The following RWDD3 variants were observed in gnomAD, a reference collection of about 807,000 sequenced individuals.
RWDD3 encodes the protein RWD domain-containing protein 3.
In RWDD3, 30 loss-of-function variants were observed where a neutral mutation model predicts 26.5. The ratio of observed to expected loss-of-function variants is 1.13; its 90% CI spans 0.85 to 1.54. RWDD3 has a LOEUF of 1.54. Ranked by LOEUF, RWDD3 falls within the 40% of genes most tolerant of loss-of-function variation. RWDD3 has a pLI of 0.00. For synonymous variants in RWDD3, 113 were observed against 114.5 expected, an observed-to-expected ratio of 0.99 and a Z score of 0.09; for missense variants, 296 against 309.1, an observed-to-expected ratio of 0.96 and a Z score of 0.32.
At chr1:95,237,292 C>CA (rs1490517409) in intron 1 of RWDD3, 3 of 152,132 alleles carry the variant, frequency 2.0e-5, no homozygotes, top group African/African-American at 7.2e-5. Context: ...GGAGGATACA[C>CA]ACTTGATACC....
intron 1 of RWDD3, chr1:95,239,831 C>T: frequency 7.8e-7 from 1 of 1,289,618 alleles, no homozygotes; most frequent in Non-Finnish European, 1.0e-6. Context: ...ACATGGCTGG[C>T]TCAGTAGCTT....
chr1:95,242,732 A>G (rs983376040), intron 1 of RWDD3, among the ~76,000 whole-genome samples: 1 of 152,168 alleles, frequency 6.6e-6, no homozygotes, highest in East Asian at 1.9e-4. Flanking sequence ...CAGCCTGGCT[A>G]ACATGGAGAA....
intron 1 of RWDD3, chr1:95,237,546 T>C (rs1318720718): frequency 6.6e-6 from 1 of 152,250 alleles, no homozygotes; most frequent in Non-Finnish European, 1.5e-5. Context: ...ATCTGCCTTT[T>C]GATCTCTTTA....
chr1:95,240,651 G>A (rs141020406), intron 1 of RWDD3, among the ~76,000 whole-genome samples: 30 of 152,182 alleles, frequency 2.0e-4, no homozygotes, highest in South Asian at 2.1e-4. Flanking sequence ...GGCCCTAGGC[G>A]TTGCATGGAG....
rs375837582 is a variant in RWDD3, at chr1:95,242,721, C to A, written c.86-1490C>A. Among the ~76,000 whole-genome samples the A allele has an allele frequency of 1.2e-4, 18 of 152,158 alleles. 1 individual carries two copies. The South Asian group carries it at 3.7e-3, about 32-fold the overall frequency. On this transcript the variant is annotated intron_variant, in intron 1 of 3. Transcript: ENST00000370202. Reference sequence around the variant, plus strand: ...TTCACCCGAGGTCAGGAGTTTGAGACCAGCCTGGCTAACATGGAGAAACCC... The same window carrying A: ...TTCACCCGAGGTCAGGAGTTTGAGAACAGCCTGGCTAACATGGAGAAACCC...
rs781113010 is a variant in RWDD3 at position 95,244,593 on chromosome 1, C to A, written c.468C>A (p.Val156=). The A allele has an allele frequency of 3.1e-6, 5 of 1,613,994 alleles. No homozygotes were observed. In the African/African-American group the frequency reaches 6.7e-5, roughly 22 times the overall value. The stretch of plus-strand genomic sequence containing the variant: ...ACATGAGAGCAAAGACTAAATATGT[C>A]AAAATTGTGGAGAAGTGGGCTTCAG... The part of the protein sequence containing the change: ...LDHMRAKTKY[V]KIVEKWASDL... Residue 156 remains valine (V), a synonymous_variant, in exon 2 of 4, where the codon GTC becomes GTA. Transcript: ENST00000370202.
At chr1:95,245,988 T>C (rs1680838395) in intron 2 of RWDD3, 1 of 152,142 alleles carries the variant, frequency 6.6e-6, no homozygotes, top group African/African-American at 2.4e-5. Flanking sequence ...ATTTCTCTTA[T>C]ATTTTTATAA....
chr1:95,239,591 C>T (rs921426508), intron 1 of RWDD3, among the ~76,000 whole-genome samples: 1 of 152,250 alleles, frequency 6.6e-6, no homozygotes, highest in East Asian at 1.9e-4. Flanking sequence ...TCTTATTTTG[C>T]AGCTACAGTG....
intron 2 of RWDD3, chr1:95,245,999 GA>G (rs1383717947): frequency 2.6e-5 from 4 of 152,062 alleles, no homozygotes; most frequent in Admixed American, 2.6e-4. Flanking sequence ...ATTTTTATAA[GA>G]TTGTATACTA....
At chr1:95,236,099 G>A (rs894036883) in intron 1 of RWDD3, among the ~76,000 whole-genome samples, 1 of 152,162 alleles carries the variant, frequency 6.6e-6, no homozygotes, top group African/African-American at 2.4e-5. Context: ...GCCGAGGCGG[G>A]CAGATCACCT....
chr1:95,244,969 T>C (rs1680793312), intron 2 of RWDD3: 1 of 365,342 alleles, frequency 2.7e-6, no homozygotes, highest in Non-Finnish European at 4.9e-6. Flanking sequence ...CTGTGGCACA[T>C]GAGTGTTTGT....
intron 2 of RWDD3, among the ~76,000 whole-genome samples, chr1:95,245,338 C>T (rs1216634561): frequency 2.0e-5 from 3 of 152,216 alleles, no homozygotes; most frequent in East Asian, 1.9e-4. Context: ...ACTCATCTGA[C>T]CTGTTTTAGG....
At chr1:95,243,706 A>T (rs1168747987) in intron 1 of RWDD3, among the ~76,000 whole-genome samples, 1 of 152,216 alleles carries the variant, frequency 6.6e-6, no homozygotes, top group East Asian at 1.9e-4. Flanking sequence ...ACTATGTCAC[A>T]TGCAGTCATC....
At position 95,246,956 on chromosome 1, in the gene RWDD3, C is replaced by A; in HGVS notation, c.*86C>A. On this transcript the variant is annotated 3_prime_UTR_variant, in exon 4 of 4. Transcript: ENST00000370202. ...TTGGGGAGTGGTTAATTGAAATAGT[C>A]AATTTTAAAGTTTCTCTGAAGCAAA... 1 of 739,304 alleles carries A rather than the reference C, an allele frequency of 1.4e-6. No individual in the cohort carries two copies. The highest frequency in any genetic ancestry group is 2.1e-6 in the Non-Finnish European group (1 of 485,232). 45.8% of individuals were successfully genotyped at this position (739,304 alleles called of 1,614,324 possible). A position where few individuals can be genotyped will look rare whatever the true frequency, so the allele number is the denominator to read the frequency against.
intron 2 of RWDD3, among the ~76,000 whole-genome samples, chr1:95,245,569 T>G (rs1680820430): frequency 6.6e-6 from 1 of 152,178 alleles, no homozygotes; most frequent in Non-Finnish European, 1.5e-5. Context: ...CAAAACTGCT[T>G]TGGCATTTGG....
intron 1 of RWDD3, among the ~76,000 whole-genome samples, chr1:95,234,973 G>A (rs1680240565): frequency 6.6e-6 from 1 of 151,976 alleles, no homozygotes; most frequent in Admixed American, 6.5e-5. Flanking sequence ...ACTCACTGCA[G>A]CCTCCGCCTC....
At chr1:95,237,160 CT>C (rs796604029) in intron 1 of RWDD3, among the ~76,000 whole-genome samples, 3,244 of 143,496 alleles carry the variant, frequency 0.023, 121 homozygotes, top group African/African-American at 0.075. Flanking sequence ...AGGTAAAGGC[CT>C]TTTTTTTTTT....
intron 2 of RWDD3, chr1:95,245,019 A>G: frequency 4.0e-6 from 1 of 252,214 alleles, no homozygotes; most frequent in Non-Finnish European, 7.6e-6. Flanking sequence ...ATAAATGTGC[A>G]CTAAAAGTTT....
At chr1:95,245,233 CA>C (rs1319519163) in intron 2 of RWDD3, among the ~76,000 whole-genome samples, 2 of 152,170 alleles carry the variant, frequency 1.3e-5, no homozygotes, top group Non-Finnish European at 2.9e-5. Flanking sequence ...GTCAACTTGT[CA>C]CCTCCTACCT....
Sources: gnomAD v4.1 joint callset for allele counts (sites outside exome capture counted in the v4.1 genomes callset) on GRCh38, gnomAD v4.1.1 for gene constraint, MANE v1.5 for transcripts, NCBI Gene and HGNC (gene_info 2026-07-23, HGNC 2026-07-21) for gene names.